ATP13A4: variants seen among roughly 807,000 people sequenced by gnomAD.
ATP13A4 encodes ATPase 13A4.
In ATP13A4, 114 loss-of-function variants were observed where a neutral mutation model predicts 142.5. The observed-to-expected ratio is 0.80, with a 90% CI of 0.69 to 0.93. The LOEUF is 0.93. Among genes scored for constraint, ATP13A4 ranks in the 40% least tolerant of loss-of-function variants. The probability of loss-of-function intolerance (pLI) is 0.00; values close to 1 mark genes in which losing one functional copy is unlikely to be tolerated. For synonymous variants in ATP13A4, 488 were observed against 514.8 expected (o/e 0.95, Z 0.70); for missense variants, 1,392 against 1,454.0 (o/e 0.96, Z 0.69).
chr3:193,478,824 A>T (rs547215654), intron 8 of ATP13A4, among the ~76,000 whole-genome samples: 1 of 120,150 alleles, frequency 8.3e-6, no homozygotes, highest in East Asian at 2.4e-4. Flanking sequence ...AAAAAAGAAA[A>T]CCACAGACCA....
In ATP13A4 at chr3:193,422,158, G is replaced by T. The variant is rs548797480; in HGVS notation, c.2843-7408C>A. Among the ~76,000 whole-genome samples the T allele has an allele frequency of 3.1e-4, 47 of 150,126 alleles. 2 individuals carry two copies. The highest frequency in any genetic ancestry group is 9.6e-4 in the Admixed American group (14 of 14,564). On this transcript the variant is annotated intron_variant, in intron 25 of 29. Transcript: ENST00000342695. ...AGCAAGATTGGCTATATTTATGTCAGATAAAGCAGACGTCAAGTCAAAAAC... is the reference window on the plus strand; with the variant it reads ...AGCAAGATTGGCTATATTTATGTCATATAAAGCAGACGTCAAGTCAAAAAC...
At chr3:193,441,363 G>A in intron 20 of ATP13A4, 103 bp downstream of exon 20, 2 of 1,415,964 alleles carry the variant, frequency 1.4e-6, no homozygotes, top group Non-Finnish European at 2.0e-6. Flanking sequence ...AACTCACTGA[G>A]TATATTTTAC....
intron 6 of ATP13A4, among the ~76,000 whole-genome samples, chr3:193,490,859 T>C (rs1719905131): frequency 6.6e-6 from 1 of 152,124 alleles, no homozygotes; most frequent in Admixed American, 6.5e-5. Context: ...AGTGAAACAA[T>C]GATGAGCTCA....
chr3:193,527,734 T>C (rs1207341817), intron 1 of ATP13A4, among the ~76,000 whole-genome samples: 2 of 152,062 alleles, frequency 1.3e-5, no homozygotes, highest in African/African-American at 4.8e-5. Flanking sequence ...TCCCCAGCCA[T>C]GTGGAGCTGT....
intron 8 of ATP13A4, among the ~76,000 whole-genome samples, chr3:193,478,760 T>C (rs542905900): frequency 7.4e-4 from 113 of 152,216 alleles, no homozygotes; most frequent in African/African-American, 2.7e-3. Flanking sequence ...CCTCCCTAAA[T>C]CATTTTTTGA....
At chr3:193,500,516 T>C (rs190033443) in intron 3 of ATP13A4, among the ~76,000 whole-genome samples, 1 of 152,290 alleles carries the variant, frequency 6.6e-6, no homozygotes, top group East Asian at 1.9e-4. Flanking sequence ...TTTCGGATCA[T>C]CAGGCAATCA....
intron 16 of ATP13A4, among the ~76,000 whole-genome samples, chr3:193,456,381 G>C (rs1717612645): frequency 1.3e-5 from 2 of 152,140 alleles, no homozygotes. Context: ...GGATTCTGGG[G>C]CTGAGGGAGA....
At chr3:193,526,326 T>A (rs1722001077) in intron 1 of ATP13A4, among the ~76,000 whole-genome samples, 2 of 152,174 alleles carry the variant, frequency 1.3e-5, no homozygotes, top group Non-Finnish European at 2.9e-5. Context: ...GAAGCCATCA[T>A]TCTGAGCAAA....
chr3:193,450,298 C>T (rs79838045), intron 17 of ATP13A4, among the ~76,000 whole-genome samples: 7,689 of 152,246 alleles, frequency 0.051, 292 homozygotes, highest in Middle Eastern at 0.095. Flanking sequence ...ACCACTCATG[C>T]GGTGCCCAAC....
At chr3:193,494,538 C>A (rs925949395) in intron 3 of ATP13A4, among the ~76,000 whole-genome samples, 4 of 151,780 alleles carry the variant, frequency 2.6e-5, no homozygotes. Flanking sequence ...AATTGGTCAA[C>A]AAAGAAATTA....
At chr3:193,475,109 C>T (rs1249738072) in intron 8 of ATP13A4, among the ~76,000 whole-genome samples, 1 of 152,046 alleles carries the variant, frequency 6.6e-6, no homozygotes, top group Non-Finnish European at 1.5e-5. Flanking sequence ...AGCAAAAGTA[C>T]ATAAGCACTT....
chr3:193,406,221 G>C (rs1714483098), intron 29 of ATP13A4, among the ~76,000 whole-genome samples: 1 of 152,158 alleles, frequency 6.6e-6, no homozygotes, highest in African/African-American at 2.4e-5. Context: ...TTAGCATATA[G>C]AGAGAAGTTC....
intron 1 of ATP13A4, among the ~76,000 whole-genome samples, chr3:193,553,952 AT>A (rs1327115686): frequency 6.6e-6 from 1 of 152,234 alleles, no homozygotes; most frequent in African/African-American, 2.4e-5. Flanking sequence ...TAATTACATC[AT>A]TACTGGCATA....
intron 7 of ATP13A4, among the ~76,000 whole-genome samples, chr3:193,486,560 T>G (rs897021227): frequency 3.3e-5 from 5 of 152,230 alleles, no homozygotes; most frequent in African/African-American, 1.2e-4. Flanking sequence ...GTCAGCAGTA[T>G]CTGCTACCAC....
At chr3:193,536,986 T>C (rs762740184) in intron 1 of ATP13A4, among the ~76,000 whole-genome samples, 1 of 152,120 alleles carries the variant, frequency 6.6e-6, no homozygotes, top group Non-Finnish European at 1.5e-5. Context: ...AGAGACACCA[T>C]GTTTATGGTT....
At chr3:193,414,478 C>T (rs1714944497) in intron 26 of ATP13A4, 101 bp downstream of exon 26, 4 of 1,426,812 alleles carry the variant, frequency 2.8e-6, no homozygotes, top group Non-Finnish European at 3.9e-6. Flanking sequence ...AAGCCAAAAC[C>T]TTTGGCAGAA....
intron 1 of ATP13A4, among the ~76,000 whole-genome samples, chr3:193,531,271 T>TGAGGGAGGGAGG (rs1193661259): frequency 2.6e-5 from 2 of 78,298 alleles, no homozygotes; most frequent in East Asian, 8.1e-4. Flanking sequence ...GCTCAATAAG[T>TGAGGGAGGGAGG]GAGGGAGGGA....
At chr3:193,579,206 T>A (rs545713811) in intron 2 of ATP13A4, 1 of 158,486 alleles carries the variant, frequency 6.3e-6, no homozygotes, top group East Asian at 1.9e-4. Context: ...GTGAGTAATA[T>A]CACATTCACA....
chr3:193,583,918 C>A (rs532284266), intron 1 of ATP13A4, among the ~76,000 whole-genome samples: 82 of 152,062 alleles, frequency 5.4e-4, no homozygotes, highest in Non-Finnish European at 1.0e-3. Context: ...TAGAAGATTT[C>A]TAAACAAAGA....
Sources: gnomAD v4.1 joint callset for allele counts (sites outside exome capture counted in the v4.1 genomes callset) on GRCh38, gnomAD v4.1.1 for gene constraint, MANE v1.5 for transcripts, NCBI Gene and HGNC (gene_info 2026-07-23, HGNC 2026-07-21) for gene names.